RALGAPA2: variants seen among roughly 807,000 people sequenced by gnomAD.
The protein encoded by RALGAPA2 is Ral GTPase activating protein catalytic subunit alpha 2.
In RALGAPA2, 139 loss-of-function variants were observed where a neutral mutation model predicts 230.4. The ratio of observed to expected loss-of-function variants is 0.60; its 90% CI spans 0.53 to 0.69. The LOEUF (loss-of-function observed/expected upper bound fraction) is 0.69. RALGAPA2 is among the 30% of genes least tolerant of loss of function. RALGAPA2 has a pLI of 0.00. For synonymous variants in RALGAPA2, 847 were observed against 837.8 expected (o/e 1.01, Z -0.19); for missense variants, 2,163 against 2,276.0 (o/e 0.95, Z 1.01).
At chr20:20,620,082 C>T (rs971415246) in intron 11 of RALGAPA2, among the ~76,000 whole-genome samples, 15 of 152,204 alleles carry the variant, frequency 9.9e-5, no homozygotes, top group African/African-American at 3.6e-4. Flanking sequence ...CAAAAGTCTA[C>T]CCAAACATTC....
chr20:20,709,147 T>C (rs1158556144), intron 1 of RALGAPA2, among the ~76,000 whole-genome samples: 2 of 137,356 alleles, frequency 1.5e-5, no homozygotes, highest in African/African-American at 5.2e-5. Flanking sequence ...GGTGAACCCC[T>C]GTCTCTACTA....
rs1463872984 is a variant in RALGAPA2 at position 20,396,724 on chromosome 20, C to T, written c.*6G>A. ...CTCAAATATTGAAATGAGACCTTTA[C>T]GTGTTTTAATCTGAAGGGAAAGAAC... On this transcript the variant is annotated 3_prime_UTR_variant, in exon 39 of 40. Transcript: ENST00000202677. 6.2e-6 allele frequency: 10 copies of T among 1,609,542 alleles called. No homozygotes were observed. Among genetic ancestry groups the T allele is most frequent in the Middle Eastern group, 1.7e-4 (1 of 6,060 alleles).
chr20:20,637,140 AG>A lies in RALGAPA2; in HGVS notation c.805+222del, dbSNP rs542720152. On this transcript the variant is annotated intron_variant, in intron 8 of 39. Transcript: ENST00000202677. The stretch of plus-strand genomic sequence containing the variant: ...TACATTTCAAATTATTTCTGAGTAT[AG>A]GAGCCACGGTTCCCTTTTACTGCTG... Among the ~76,000 whole-genome samples the A allele has an allele frequency of 1.0e-3, 153 of 152,382 alleles. 1 individual carries two copies. The highest frequency in any genetic ancestry group is 3.4e-3 in the African/African-American group (142 of 41,594).
intron 3 of RALGAPA2, among the ~76,000 whole-genome samples, chr20:20,673,735 C>A (rs1420212493): frequency 6.6e-6 from 1 of 152,026 alleles, no homozygotes; most frequent in African/African-American, 2.4e-5. Context: ...ACAGCTCATT[C>A]CAATCTTATA....
chr20:20,681,690 A>T (rs1455044541), intron 1 of RALGAPA2, among the ~76,000 whole-genome samples: 1 of 152,168 alleles, frequency 6.6e-6, no homozygotes, highest in African/African-American at 2.4e-5. Context: ...TCTGAGGAAA[A>T]GTAAAAACAG....
Position 20,464,119 on chromosome 20 carries a change from C to G in RALGAPA2, c.5495+8710G>C, listed in dbSNP as rs529647681. ...GGTGAGATTTCTTCCACAACCTTCC[C>G]GCAACAGACCCTAGTGCTTCCTCCA... On this transcript the variant is annotated intron_variant, in intron 37 of 39. Coordinates refer to ENST00000202677, the MANE Select transcript of RALGAPA2 (RefSeq NM_020343.4). Among the ~76,000 whole-genome samples, 9 of 152,256 alleles carry G rather than the reference C, an allele frequency of 5.9e-5. No homozygotes were observed. The East Asian group carries it at 1.5e-3, about 26-fold the overall frequency.
At chr20:20,554,973 G>T (rs751461691) in intron 23 of RALGAPA2, among the ~76,000 whole-genome samples, 1 of 152,108 alleles carries the variant, frequency 6.6e-6, no homozygotes, top group East Asian at 1.9e-4. Flanking sequence ...TTGCATATTT[G>T]GTTTCATATC....
intron 12 of RALGAPA2, among the ~76,000 whole-genome samples, chr20:20,618,184 TAA>T (rs2066209470): frequency 6.6e-6 from 1 of 151,968 alleles, no homozygotes; most frequent in Non-Finnish European, 1.5e-5. Context: ...TTTCAGAAAA[TAA>T]AAAGCACTCT....
At chr20:20,588,111 C>A (rs934589942) in intron 18 of RALGAPA2, among the ~76,000 whole-genome samples, 1 of 152,082 alleles carries the variant, frequency 6.6e-6, no homozygotes, top group African/African-American at 2.4e-5. Context: ...TCATTAATTC[C>A]ATTCCTAGAT....
intron 38 of RALGAPA2, among the ~76,000 whole-genome samples, chr20:20,404,950 T>C (rs957022546): frequency 2.0e-5 from 3 of 152,178 alleles, no homozygotes; most frequent in Non-Finnish European, 4.4e-5. Context: ...AGCCCCAGGG[T>C]TGTCAGGAGT....
At chr20:20,684,968 GAAT>G (rs1304250894) in intron 1 of RALGAPA2, among the ~76,000 whole-genome samples, 1 of 151,864 alleles carries the variant, frequency 6.6e-6, no homozygotes, top group Admixed American at 6.6e-5. Context: ...CTCATCAGAA[GAAT>G]ATTTATAAAG....
intron 16 of RALGAPA2, among the ~76,000 whole-genome samples, chr20:20,594,694 A>G (rs1369583439): frequency 6.6e-6 from 1 of 151,918 alleles, no homozygotes; most frequent in Admixed American, 6.6e-5. Flanking sequence ...TTGACAGTGT[A>G]AGTTACACAA....
chr20:20,540,071 G>A (rs908753895), intron 24 of RALGAPA2, among the ~76,000 whole-genome samples: 2 of 152,200 alleles, frequency 1.3e-5, no homozygotes, highest in African/African-American at 4.8e-5. Flanking sequence ...ACTGAACATG[G>A]GAGTGCAGAT....
chr20:20,669,340 C>A (rs1194440912), intron 3 of RALGAPA2, among the ~76,000 whole-genome samples: 1 of 152,200 alleles, frequency 6.6e-6, no homozygotes, highest in African/African-American at 2.4e-5. Context: ...TCTCTGTATT[C>A]TTGATGTGCT....
At chr20:20,575,369 T>C (rs1016324280) in intron 20 of RALGAPA2, among the ~76,000 whole-genome samples, 1 of 152,016 alleles carries the variant, frequency 6.6e-6, no homozygotes, top group Non-Finnish European at 1.5e-5. Flanking sequence ...TTTCACTGTG[T>C]TCCTGAAGAA....
At chr20:20,476,697 A>ATAAATAAG (rs1357191054) in intron 36 of RALGAPA2, among the ~76,000 whole-genome samples, 1 of 149,262 alleles carries the variant, frequency 6.7e-6, no homozygotes, top group Non-Finnish European at 1.5e-5. Context: ...AAATAAATAA[A>ATAAATAAG]TAAATAAATA....
At chr20:20,566,339 G>A (rs1163393586) in intron 23 of RALGAPA2, among the ~76,000 whole-genome samples, 1 of 152,208 alleles carries the variant, frequency 6.6e-6, no homozygotes, top group Admixed American at 6.5e-5. Flanking sequence ...CACAAAAGAA[G>A]CATTTCTGGA....
chr20:20,482,602 G>A (rs965394575), intron 36 of RALGAPA2, among the ~76,000 whole-genome samples: 1 of 152,188 alleles, frequency 6.6e-6, no homozygotes, highest in African/African-American at 2.4e-5. Context: ...TAGCTGGTTT[G>A]TATGAATGCT....
At chr20:20,513,778 G>A (rs2062789591) in intron 31 of RALGAPA2, among the ~76,000 whole-genome samples, 1 of 152,222 alleles carries the variant, frequency 6.6e-6, no homozygotes, top group South Asian at 2.1e-4. Flanking sequence ...AGAGACAGGA[G>A]CACTTGCTCT....
Sources: allele counts gnomAD v4.1 joint callset (sites outside exome capture counted in the v4.1 genomes callset), GRCh38; gene constraint gnomAD v4.1.1; transcripts MANE v1.5; gene names NCBI Gene and HGNC (gene_info 2026-07-23, HGNC 2026-07-21).